Variants in UBR1 observed in about 807,000 individuals in gnomAD.
UBR1 encodes the protein ubiquitin protein ligase E3 component n-recognin 1, also known as E3 ubiquitin-protein ligase UBR1.
UBR1 carries 102 observed loss-of-function variants against 242.1 expected under a neutral mutation model. That is an observed-to-expected ratio of 0.42 (90% CI 0.36 to 0.50). UBR1 has a LOEUF of 0.50. Among genes scored for constraint, UBR1 ranks in the 20% least tolerant of loss-of-function variants. The pLI is 0.01. For missense variants in UBR1, 1,772 were observed against 2,101.8 expected (o/e 0.84, Z 3.07); for synonymous variants, 675 against 684.8 (o/e 0.99, Z 0.22).
At chr15:43,007,310 A>G (rs544033908) in intron 29 of UBR1, 26 bp from the exon 30 acceptor site, 1 of 1,611,274 alleles carries the variant, frequency 6.2e-7, no homozygotes, top group East Asian at 2.2e-5. Context: ...ATCAGAAATG[A>G]GGACACATGT....
intron 15 of UBR1, among the ~76,000 whole-genome samples, chr15:43,038,516 C>T (rs1781916568): frequency 1.3e-5 from 2 of 152,052 alleles, no homozygotes; most frequent in Admixed American, 1.3e-4. Context: ...ATCGCTTGAA[C>T]CTGGGAGGCG....
intron 1 of UBR1, among the ~76,000 whole-genome samples, chr15:43,089,602 G>GT (rs1373169706): frequency 1.3e-5 from 2 of 152,148 alleles, no homozygotes; most frequent in Non-Finnish European, 2.9e-5. Context: ...CAACATTATT[G>GT]TATTATTTTT....
In UBR1 at chr15:42,960,711, G is replaced by C; in HGVS notation, c.4701-10C>G. ...AGGATCTGCACACCACCTGTATGTG[G>C]AGCCAAGAGAAAAGACAAATGGATT... On this transcript the variant is annotated splice_polypyrimidine_tract_variant and intron_variant, in intron 42 of 46. Coordinates refer to ENST00000290650, the MANE Select transcript of UBR1 (RefSeq NM_174916.3). 6.2e-7 allele frequency: 1 copy of C among 1,613,554 alleles called. No individual in the cohort carries two copies. Among genetic ancestry groups the C allele is most frequent in the Non-Finnish European group, 8.5e-7 (1 of 1,179,660 alleles).
intron 12 of UBR1, 61 bp downstream of exon 12, chr15:43,054,681 C>T (rs2033594982): frequency 6.4e-7 from 1 of 1,568,116 alleles, no homozygotes; most frequent in African/African-American, 1.4e-5. Context: ...ACTTATAAGA[C>T]ACAGCAAATA....
At position 43,041,415 on chromosome 15, in the gene UBR1, G is replaced by A. The variant is rs1450510189; in HGVS notation, c.1849+1800C>T. 2.0e-5 allele frequency among the ~76,000 whole-genome samples: 3 copies of A among 152,184 alleles called. No individual in the cohort carries two copies. In the East Asian group the frequency reaches 5.8e-4, roughly 29 times the overall value. On this transcript the variant is annotated intron_variant, in intron 15 of 46. Transcript: ENST00000290650. ...TAATGAGAACACCTGGACACAAGAA[G>A]GGGAACATCACACACCGGGGCCTGT...
chr15:43,037,972 A>G, intron 16 of UBR1, 89 bp from the exon 17 acceptor site: 2 of 1,349,382 alleles, frequency 1.5e-6, no homozygotes, highest in East Asian at 2.5e-5. Flanking sequence ...CAGTTTTCTC[A>G]CGTGAAAAAT....
At position 43,021,418 on chromosome 15, in the gene UBR1, C is replaced by A. The variant is rs192626880; in HGVS notation, c.2840-43G>T. On this transcript the variant is annotated intron_variant, in intron 26 of 46. Transcript: ENST00000290650. ...ATCACACATCATAAATACATAAAGT[C>A]ATCTCTTGGTATCCTCAGGGAATTG... The A allele has an allele frequency of 3.9e-5, 62 of 1,582,354 alleles. No individual in the cohort carries two copies. The African/African-American group carries it at 7.7e-4, about 20-fold the overall frequency.
intron 37 of UBR1, among the ~76,000 whole-genome samples, chr15:42,982,151 T>C (rs539671292): frequency 6.6e-6 from 1 of 152,318 alleles, no homozygotes; most frequent in Admixed American, 6.5e-5. Flanking sequence ...GGATTATAAG[T>C]GTGTGTCACT....
chr15:43,087,058 C>G (rs1368588895), intron 1 of UBR1, among the ~76,000 whole-genome samples: 4 of 152,110 alleles, frequency 2.6e-5, no homozygotes. Context: ...ACATATGACT[C>G]AAGGCACATC....
At chr15:42,962,150 A>AT (rs1336206637) in intron 42 of UBR1, among the ~76,000 whole-genome samples, 1 of 150,398 alleles carries the variant, frequency 6.6e-6, no homozygotes, top group Non-Finnish European at 1.5e-5. Flanking sequence ...TTATTCATTT[A>AT]TTTTTTACAG....
At position 42,983,993 on chromosome 15, in the gene UBR1, G is replaced by A; in HGVS notation, c.4054C>T (p.His1352Tyr). 1 of 1,611,096 alleles carries A rather than the reference G, an allele frequency of 6.2e-7. No homozygotes were observed. The highest frequency in any genetic ancestry group is 1.1e-5 in the South Asian group (1 of 90,864). The change falls in exon 37 of 47, where the codon CAT becomes TAT. Residue 1352 changes from histidine (H) to tyrosine (Y), a missense_variant and splice_region_variant. Physicochemically the swap from His to Tyr is moderately conservative, Grantham distance 83 (BLOSUM62 2). This residue lies in a region of UBR1 where 965 missense variants were observed against 1,079.7 expected (regional missense o/e 0.89). Coordinates refer to ENST00000290650, the MANE Select transcript of UBR1 (RefSeq NM_174916.3). The stretch of plus-strand genomic sequence containing the variant: ...TGCATTAATGCTTTCAGACCATTAT[G>A]CTAGATTGTAAGAGAGAAGGAAGAT... ...PLFGALQNRQ[H>Y]NGLKALMQFA...
chr15:42,997,729 T>C (rs2032661887), intron 33 of UBR1, among the ~76,000 whole-genome samples: 1 of 152,222 alleles, frequency 6.6e-6, no homozygotes, highest in Admixed American at 6.5e-5. Context: ...ACTATTCTAC[T>C]TTACATATAA....
chr15:43,056,296 A>G, intron 11 of UBR1, 48 bp downstream of exon 11: 1 of 1,416,388 alleles, frequency 7.1e-7, no homozygotes, highest in South Asian at 1.2e-5. Flanking sequence ...CTTACAAAGC[A>G]AAACAAGTTT....
intron 14 of UBR1, among the ~76,000 whole-genome samples, chr15:43,043,658 G>A (rs1362089942): frequency 2.0e-5 from 3 of 152,046 alleles, no homozygotes; most frequent in African/African-American, 4.8e-5. Flanking sequence ...TGTTGGCCAA[G>A]CTGGTTTTGA....
At chr15:42,958,125 A>G in intron 43 of UBR1, 35 bp from the exon 44 acceptor site, 2 of 1,515,158 alleles carry the variant, frequency 1.3e-6, no homozygotes, top group Non-Finnish European at 1.8e-6. Context: ...TTTATTTTAG[A>G]GTAAATAACC....
At chr15:43,066,994 G>C (rs1596127626) in intron 6 of UBR1, among the ~76,000 whole-genome samples, 1 of 152,194 alleles carries the variant, frequency 6.6e-6, no homozygotes, top group East Asian at 1.9e-4. Flanking sequence ...ATTCTAACCA[G>C]AATTCTTATG....
intron 6 of UBR1, among the ~76,000 whole-genome samples, chr15:43,062,072 C>A (rs1403420694): frequency 1.3e-5 from 2 of 151,914 alleles, no homozygotes; most frequent in African/African-American, 4.8e-5. Context: ...CTATAGAAAA[C>A]AAAATGGTGG....
intron 10 of UBR1, among the ~76,000 whole-genome samples, chr15:43,057,911 C>CTT (rs758431765): frequency 7.0e-5 from 10 of 142,790 alleles, no homozygotes; most frequent in Admixed American, 1.4e-4. Flanking sequence ...TGAGAACGAA[C>CTT]TTTTTTTTTT....
chr15:42,961,916 A>G (rs944843680), intron 42 of UBR1, among the ~76,000 whole-genome samples: 1 of 145,116 alleles, frequency 6.9e-6, no homozygotes, highest in Admixed American at 6.9e-5. Flanking sequence ...CAACATGCCC[A>G]GCTAATTTTT....
Sources: allele counts gnomAD v4.1 joint callset (sites outside exome capture counted in the v4.1 genomes callset), GRCh38; gene constraint gnomAD v4.1.1; regional missense constraint gnomAD v4.1.1; transcripts MANE v1.5; gene names NCBI Gene and HGNC (gene_info 2026-07-23, HGNC 2026-07-21).